The following VOPP1 variants were observed in gnomAD, a reference collection of about 807,000 sequenced individuals.
The protein encoded by VOPP1 is VOPP1 WW domain binding protein.
Under a neutral mutation model 23.5 loss-of-function variants are expected in VOPP1, and 8 were observed. The ratio of observed to expected loss-of-function variants is 0.34; its 90% CI spans 0.20 to 0.61. VOPP1 has a LOEUF of 0.61. VOPP1 is among the 20% of genes least tolerant of loss of function. The probability of loss-of-function intolerance (pLI) is 0.78; values close to 1 mark genes in which losing one functional copy is unlikely to be tolerated. For synonymous variants in VOPP1, 83 were observed against 97.3 expected (o/e 0.85, Z 0.86); for missense variants, 174 against 238.1 (o/e 0.73, Z 1.77).
chr7:55,492,045 TCACGTGCATATGTGGCA>T (rs1793606955), intron 4 of VOPP1, among the ~76,000 whole-genome samples: 2 of 152,158 alleles, frequency 1.3e-5, no homozygotes, highest in African/African-American at 2.4e-5. Context: ...CTGCATCATA[TCACGTGCATATGTGGCA>T]CACTGATAAC....
At chr7:55,535,809 G>A (rs1796751828) in intron 1 of VOPP1, among the ~76,000 whole-genome samples, 1 of 152,234 alleles carries the variant, frequency 6.6e-6, no homozygotes, top group Admixed American at 6.5e-5. Context: ...CAGCAGACAT[G>A]CTCAGCACTG....
At chr7:55,477,291 T>C (rs914033898) in intron 4 of VOPP1, among the ~76,000 whole-genome samples, 2 of 152,194 alleles carry the variant, frequency 1.3e-5, no homozygotes, top group African/African-American at 2.4e-5. Context: ...CCTGGTTCCC[T>C]GAGAGCCCAG....
At chr7:55,467,146 T>C (rs80283625), downstream of VOPP1, among the ~76,000 whole-genome samples, 2,020 of 152,318 alleles carry the variant, frequency 0.013, 15 homozygotes, top group Admixed American at 0.021. Context: ...TGGTAACGCT[T>C]GCTTGCCACT....
intron 1 of VOPP1, among the ~76,000 whole-genome samples, chr7:55,570,906 C>A (rs562083940): frequency 6.6e-6 from 1 of 152,148 alleles, no homozygotes; most frequent in African/African-American, 2.4e-5. Context: ...CGCGCCACAG[C>A]ACTCAAGCCT....
At chr7:55,557,618 G>T (rs1797853991) in intron 1 of VOPP1, among the ~76,000 whole-genome samples, 1 of 152,126 alleles carries the variant, frequency 6.6e-6, no homozygotes, top group South Asian at 2.1e-4. Flanking sequence ...TGCCCCATTA[G>T]AAAATACTGG....
Position 55,521,110 on chromosome 7 carries a change from A to T in VOPP1, c.75T>A (p.His25Gln). The T allele has an allele frequency of 6.3e-7, 1 of 1,583,244 alleles. No individual in the cohort carries two copies. ...GATAGAGTCCTTCGAAATACCAGCA[A>T]TGCTTTTTGGCTTCTGTGCACTGCA... ...LLLECTEAKKHCWYFEGLYPT... is the reference protein window; with the variant it reads ...LLLECTEAKKQCWYFEGLYPT... Residue 25 changes from histidine (H) to glutamine (Q), a missense_variant, in exon 2 of 5, where the codon CAT (histidine) becomes CAA (glutamine). Coordinates refer to ENST00000285279, the MANE Select transcript of VOPP1 (RefSeq NM_030796.5).
chr7:55,535,527 C>T (rs978583465), intron 1 of VOPP1, among the ~76,000 whole-genome samples: 5 of 152,192 alleles, frequency 3.3e-5, no homozygotes, highest in Non-Finnish European at 5.9e-5. Flanking sequence ...TCCCCCGCCC[C>T]GCAGCCATTT....
At position 55,443,511 on chromosome 7, in the gene VOPP1, G is replaced by A. The variant is rs553141831; in HGVS notation, n.418-7337C>T. Reference sequence around the variant, plus strand: ...AGAGCTTGCAGTGAGCCAAGATCACGCCACTGCGCTCCAGCCTGGGCAACA... The same window carrying A: ...AGAGCTTGCAGTGAGCCAAGATCACACCACTGCGCTCCAGCCTGGGCAACA... On this transcript the variant is annotated intron_variant and non_coding_transcript_variant, in intron 4 of 4. Transcript: ENST00000462326. Among the ~76,000 whole-genome samples the A allele has an allele frequency of 4.3e-4, 66 of 152,244 alleles. 1 individual carries two copies. Among genetic ancestry groups the A allele is most frequent in the African/African-American group, 1.5e-3 (62 of 41,554 alleles).
chr7:55,511,544 G>A lies in VOPP1; in HGVS notation c.113+9528C>T, dbSNP rs146392012. Among the ~76,000 whole-genome samples, 78 of 152,286 alleles carry A rather than the reference G, an allele frequency of 5.1e-4. No homozygotes were observed. The East Asian group carries it at 0.014, about 27-fold the overall frequency. ...ATATCTTGAATCCCCAAATCACTAA[G>A]CTAAAAGGAAAATTCAAGCTGAAAC... On this transcript the variant is annotated intron_variant, in intron 2 of 4. Coordinates refer to ENST00000285279, the MANE Select transcript of VOPP1 (RefSeq NM_030796.5).
chr7:55,451,940 G>A (rs530454569), intron 4 of VOPP1, among the ~76,000 whole-genome samples: 54 of 152,300 alleles, frequency 3.5e-4, no homozygotes, highest in African/African-American at 1.3e-3. Flanking sequence ...TGGACTGGCT[G>A]TGGCAATTTC....
rs528495472 is a variant in VOPP1 at position 55,471,358 on chromosome 7, G to T, written c.*1497C>A. ...CACAAAATTCCCCAGGAGGTTCTCC[G>T]ATTAAATGTCCTCAGAGTGAAAAGC... On this transcript the variant is annotated 3_prime_UTR_variant, in exon 5 of 5. Coordinates refer to ENST00000285279, the MANE Select transcript of VOPP1 (RefSeq NM_030796.5). 2.1e-4 allele frequency: 32 copies of T among 151,844 alleles called. No individual in the cohort carries two copies. Among genetic ancestry groups the T allele is most frequent in the African/African-American group, 7.7e-4 (32 of 41,322 alleles). The allele number at this position is 151,844 out of a possible 1,614,324, so 9.4% of individuals were successfully genotyped here. A position where few individuals can be genotyped will look rare whatever the true frequency, so the allele number is the denominator to read the frequency against.
chr7:55,470,869 G>C lies in VOPP1; in HGVS notation c.*1986C>G, dbSNP rs1460352462. ...ACCGAAGTGGGACTTCCATATGCAG[G>C]ATCAGCGTTCACAGTAGCACAATTC... On this transcript the variant is annotated 3_prime_UTR_variant, in exon 5 of 5. Transcript: ENST00000285279. 3 of 152,104 alleles carry C rather than the reference G, an allele frequency of 2.0e-5. No homozygotes were observed. The highest frequency in any genetic ancestry group is 7.3e-5 in the African/African-American group (3 of 41,316). 9.4% of individuals were successfully genotyped at this position (152,104 alleles called of 1,614,324 possible).
chr7:55,561,733 ACTGCTCCC>A (rs1797994705), intron 1 of VOPP1: 5 of 457,120 alleles, frequency 1.1e-5, no homozygotes, highest in Middle Eastern at 5.8e-4. Flanking sequence ...GAATTCACAG[ACTGCTCCC>A]CTCTTCCAAA....
At chr7:55,550,900 A>T (rs1362613933) in intron 1 of VOPP1, among the ~76,000 whole-genome samples, 2 of 152,218 alleles carry the variant, frequency 1.3e-5, no homozygotes, top group African/African-American at 2.4e-5. Flanking sequence ...AAAGCAATTA[A>T]ATTTTAGAGT....
At chr7:55,478,718 G>T (rs899579941) in intron 4 of VOPP1, among the ~76,000 whole-genome samples, 3 of 152,240 alleles carry the variant, frequency 2.0e-5, no homozygotes, top group Non-Finnish European at 4.4e-5. Flanking sequence ...AGGGTCCCAT[G>T]ACATGCTAAG....
In VOPP1 at chr7:55,437,075, G is replaced by A. The variant is rs189448767; in HGVS notation, n.418-901C>T. ...CTGTAAGTGTATAAGTATTCCTAAA[G>A]TTCCAAGAACTGACAAGGCCAGCCT... On this transcript the variant is annotated intron_variant and non_coding_transcript_variant, in intron 4 of 4. Coordinates refer to the VOPP1 transcript ENST00000462326. Among the ~76,000 whole-genome samples the A allele has an allele frequency of 4.4e-3, 669 of 152,324 alleles. 3 individuals are homozygous for A. The highest frequency in any genetic ancestry group is 6.7e-3 in the Non-Finnish European group (458 of 68,012).
intron 4 of VOPP1, among the ~76,000 whole-genome samples, chr7:55,473,285 C>T (rs1791977617): frequency 6.6e-6 from 1 of 152,188 alleles, no homozygotes; most frequent in Non-Finnish European, 1.5e-5. Context: ...CCAGTTCACA[C>T]ATTAGGGTGG....
At chr7:55,457,596 C>A (rs1398356782) in intron 4 of VOPP1, among the ~76,000 whole-genome samples, 1 of 150,616 alleles carries the variant, frequency 6.6e-6, no homozygotes, top group South Asian at 2.1e-4. Flanking sequence ...TAAGAGTTCC[C>A]TTTTCTCCAT....
chr7:55,567,226 G>A (rs1051977078), intron 1 of VOPP1, among the ~76,000 whole-genome samples: 1 of 152,186 alleles, frequency 6.6e-6, no homozygotes, highest in Non-Finnish European at 1.5e-5. Context: ...GCCAGGCATG[G>A]TTCCAGCAAC....
Sources: allele counts gnomAD v4.1 joint callset (sites outside exome capture counted in the v4.1 genomes callset), GRCh38; gene constraint gnomAD v4.1.1; transcripts MANE v1.5; gene names NCBI Gene and HGNC (gene_info 2026-07-23, HGNC 2026-07-21).